FRMD6: variants seen among roughly 807,000 people sequenced by gnomAD.
FRMD6 encodes FERM domain-containing protein 6.
In FRMD6, 37 loss-of-function variants were observed where a neutral mutation model predicts 73.2. The ratio of observed to expected loss-of-function variants is 0.51; its 90% CI spans 0.39 to 0.66. The LOEUF (loss-of-function observed/expected upper bound fraction) is 0.66, where lower values mean the gene tolerates loss of function less well. Among genes scored for constraint, FRMD6 ranks in the 30% least tolerant of loss-of-function variants. The pLI is 0.00. For synonymous variants in FRMD6, 273 were observed against 282.2 expected (o/e 0.97, Z 0.33); for missense variants, 714 against 780.5 (o/e 0.91, Z 1.02).
intron 7 of FRMD6, chr14:51,708,445 T>C: frequency 4.1e-6 from 2 of 489,176 alleles, no homozygotes; most frequent in Non-Finnish European, 7.3e-6. Flanking sequence ...GGTGGAGTAT[T>C]TTTTAATGGT....
At chr14:51,448,134 T>C in the FRMD6 span, among the ~76,000 whole-genome samples, 1 of 152,214 alleles carries the variant, frequency 6.6e-6, no homozygotes, top group Admixed American at 6.5e-5. Context: ...ATATTTGGGA[T>C]TTTTTGGAAT....
intron 2 of FRMD6, among the ~76,000 whole-genome samples, chr14:51,621,190 G>C (rs1282631014): frequency 2.0e-5 from 3 of 151,822 alleles, no homozygotes; most frequent in African/African-American, 7.3e-5. Context: ...TGTGACTTTG[G>C]CTGGGAAAAT....
chr14:51,482,293 C>T, the FRMD6 span, among the ~76,000 whole-genome samples: 1,575 of 152,034 alleles, frequency 0.01, 27 homozygotes, highest in African/African-American at 0.036. Context: ...GAGTGCAGGG[C>T]CTCCTGGAGC....
the FRMD6 span, among the ~76,000 whole-genome samples, chr14:51,414,728 C>T: frequency 6.6e-6 from 1 of 152,166 alleles, no homozygotes; most frequent in African/African-American, 2.4e-5. Flanking sequence ...GGCATTGAAT[C>T]TATAAATTAC....
chr14:51,412,899 C>T, the FRMD6 span, among the ~76,000 whole-genome samples: 824 of 151,490 alleles, frequency 5.4e-3, 6 homozygotes, highest in African/African-American at 0.019. Context: ...AAAAATGGGA[C>T]AGAGTAACAA....
chr14:51,633,312 G>GA (rs1566514926), intron 2 of FRMD6, among the ~76,000 whole-genome samples: 2 of 150,038 alleles, frequency 1.3e-5, no homozygotes, highest in Non-Finnish European at 1.5e-5. Context: ...TATTATCAGG[G>GA]TTTTTTTGGC....
intron 2 of FRMD6, among the ~76,000 whole-genome samples, chr14:51,598,290 T>C (rs1442188572): frequency 6.6e-6 from 1 of 152,184 alleles, no homozygotes; most frequent in Non-Finnish European, 1.5e-5. Context: ...CTCCATTCCC[T>C]TCCTGCAGAA....
At chr14:51,426,142 T>C in the FRMD6 span, among the ~76,000 whole-genome samples, 1 of 152,198 alleles carries the variant, frequency 6.6e-6, no homozygotes, top group Non-Finnish European at 1.5e-5. Context: ...CCCCCTGTTG[T>C]CTCTGTCACC....
chr14:51,687,724 T>G (rs1475772154), intron 1 of FRMD6, among the ~76,000 whole-genome samples: 1 of 152,180 alleles, frequency 6.6e-6, no homozygotes, highest in African/African-American at 2.4e-5. Context: ...CCTAGTAACA[T>G]TTTTCAGGAA....
At chr14:51,569,597 G>A (rs1357370900) in intron 1 of FRMD6, among the ~76,000 whole-genome samples, 10 of 145,398 alleles carry the variant, frequency 6.9e-5, no homozygotes, top group Non-Finnish European at 1.2e-4. Flanking sequence ...TTGACCTCCC[G>A]AGCTCAGGTG....
intron 10 of FRMD6, among the ~76,000 whole-genome samples, chr14:51,716,311 G>A (rs1325897255): frequency 6.6e-6 from 1 of 150,944 alleles, no homozygotes; most frequent in African/African-American, 2.4e-5. Context: ...TTTTTTTAAT[G>A]CTTTGGGGTT....
chr14:51,593,714 A>G (rs1251804085), intron 2 of FRMD6, among the ~76,000 whole-genome samples: 1 of 152,138 alleles, frequency 6.6e-6, no homozygotes, highest in African/African-American at 2.4e-5. Flanking sequence ...CTTCATTCTC[A>G]AAGAGAATAA....
intron 2 of FRMD6, among the ~76,000 whole-genome samples, chr14:51,630,789 G>T (rs1362665362): frequency 6.6e-6 from 1 of 152,166 alleles, no homozygotes; most frequent in Non-Finnish European, 1.5e-5. Context: ...GCAGGTGGAA[G>T]AAAGTGCATG....
intron 2 of FRMD6, among the ~76,000 whole-genome samples, chr14:51,644,387 A>ACACACACACACT (rs1489278384): frequency 1.9e-3 from 222 of 115,050 alleles, no homozygotes; most frequent in African/African-American, 6.1e-3. Flanking sequence ...ACACACACAC[A>ACACACACACACT]CTCACTCACT....
intron 2 of FRMD6, among the ~76,000 whole-genome samples, chr14:51,585,162 G>A (rs1411134580): frequency 6.6e-6 from 1 of 152,110 alleles, no homozygotes; most frequent in Non-Finnish European, 1.5e-5. Flanking sequence ...CGCTGTTCCT[G>A]TGACTGCTAT....
intron 1 of FRMD6, among the ~76,000 whole-genome samples, chr14:51,565,825 A>G (rs1252838957): frequency 2.0e-5 from 3 of 152,168 alleles, no homozygotes; most frequent in Non-Finnish European, 4.4e-5. Flanking sequence ...AAAAACCAGG[A>G]AAGTTTAATG....
At chr14:51,459,734 G>A in the FRMD6 span, among the ~76,000 whole-genome samples, 83 of 150,380 alleles carry the variant, frequency 5.5e-4, no homozygotes, top group African/African-American at 1.9e-3. Flanking sequence ...GGCTGAGGCA[G>A]GAGAATGGTG....
chr14:51,537,353 A>C (rs928389289), intron 1 of FRMD6, among the ~76,000 whole-genome samples: 1 of 152,214 alleles, frequency 6.6e-6, no homozygotes, highest in African/African-American at 2.4e-5. Flanking sequence ...CTTTTAGTGC[A>C]GAGTATTTCA....
At chr14:51,531,695 T>C (rs1223363704) in intron 1 of FRMD6, among the ~76,000 whole-genome samples, 1 of 152,252 alleles carries the variant, frequency 6.6e-6, no homozygotes, top group African/African-American at 2.4e-5. Context: ...CAAGTTCAGT[T>C]TGACAAAAAA....
Sources: allele counts gnomAD v4.1 joint callset (sites outside exome capture counted in the v4.1 genomes callset), GRCh38; gene constraint gnomAD v4.1.1; transcripts MANE v1.5; gene names NCBI Gene and HGNC (gene_info 2026-07-23, HGNC 2026-07-21).